The following PCDHGA11 variants were observed in gnomAD, a reference collection of about 807,000 sequenced individuals.
The protein encoded by PCDHGA11 is protocadherin gamma-A11.
In PCDHGA11, 39 loss-of-function variants were observed where a neutral mutation model predicts 60.4. The observed-to-expected ratio is 0.65, with a 90% CI of 0.50 to 0.84. The LOEUF (loss-of-function observed/expected upper bound fraction) is 0.84. PCDHGA11 is among the 40% of genes least tolerant of loss of function. PCDHGA11 has a pLI of 0.00. For missense variants in PCDHGA11, 1,165 were observed against 1,197.7 expected, an observed-to-expected ratio of 0.97 and a Z score of 0.40; for synonymous variants, 533 against 510.3, an observed-to-expected ratio of 1.04 and a Z score of -0.60.
In PCDHGA11 at chr5:141,432,611, T is replaced by G. The variant is rs141541670; in HGVS notation, c.2433+8951T>G. The G allele has an allele frequency of 4.2e-4, 676 of 1,613,808 alleles. 1 individual carries two copies. The African/African-American group carries it at 5.6e-3, about 13-fold the overall frequency. On this transcript the variant is annotated intron_variant, in intron 1 of 3. Coordinates refer to ENST00000398587, the MANE Select transcript of PCDHGA11 (RefSeq NM_018914.3). This position sits in a 1 kb window ranked among gnomAD's most constrained non-coding sequence, Gnocchi z 6.0. ...CAAGGCCAGCGAGCCGGGACTCTTC[T>G]CGGTGGGTCTGCACACGGGCGAGGT...
In PCDHGA11 at chr5:141,477,967, C is replaced by A; in HGVS notation, c.2434-16840C>A. The A allele has an allele frequency of 6.2e-7, 1 of 1,614,150 alleles. No individual in the cohort carries two copies. Among genetic ancestry groups the A allele is most frequent in the Non-Finnish European group, 8.5e-7 (1 of 1,180,032 alleles). On this transcript the variant is annotated intron_variant, in intron 1 of 3. Transcript: ENST00000398587. The surrounding 1 kb of genome is among the most constrained non-coding windows in gnomAD (Gnocchi z 4.9). ...GTCTCTTGGGATCCCCTAACCAGAG[C>A]CTTTTTGCCATAGGGCTGCACACTG...
rs367744321 is a variant in PCDHGA11, at chr5:141,489,394, C to G, written c.2434-5413C>G. The G allele has an allele frequency of 3.7e-6, 6 of 1,614,008 alleles. No individual in the cohort carries two copies. In the African/African-American group the frequency reaches 6.7e-5, roughly 18 times the overall value. On this transcript the variant is annotated intron_variant, in intron 1 of 3. Transcript: ENST00000398587. The surrounding 1 kb of genome is among the most constrained non-coding windows in gnomAD (Gnocchi z 4.5). ...GCTGGTGGGGAATGTTGCTCAGGATCTGGGCTTAAAGATGACAGATCTGTT... is the reference window on the plus strand; with the variant it reads ...GCTGGTGGGGAATGTTGCTCAGGATGTGGGCTTAAAGATGACAGATCTGTT...
chr5:141,470,791 A>G (rs1234712958), intron 1 of PCDHGA11, among the ~76,000 whole-genome samples: 3 of 152,152 alleles, frequency 2.0e-5, no homozygotes, highest in African/African-American at 7.2e-5. Context: ...GGGCTCAAGC[A>G]ATCCTCCCAC....
At chr5:141,433,204 C>A in intron 1 of PCDHGA11, 1 of 1,566,946 alleles carries the variant, frequency 6.4e-7, no homozygotes, top group Non-Finnish European at 8.6e-7. Flanking sequence ...ATCAAATCTT[C>A]TTTCTTTTTT....
At chr5:141,423,744 A>G in intron 1 of PCDHGA11, 84 bp downstream of exon 1, 1 of 429,464 alleles carries the variant, frequency 2.3e-6, no homozygotes. Context: ...TGTTATGAAA[A>G]CTGTTTGGGG....
rs570379716 is a variant in PCDHGA11 at position 141,452,090 on chromosome 5, G to A, written c.2433+28430G>A. Among the ~76,000 whole-genome samples, 3 of 152,256 alleles carry A rather than the reference G, an allele frequency of 2.0e-5. No individual in the cohort carries two copies. The South Asian group carries it at 6.2e-4, about 32-fold the overall frequency. On this transcript the variant is annotated intron_variant, in intron 1 of 3. Coordinates refer to ENST00000398587, the MANE Select transcript of PCDHGA11 (RefSeq NM_018914.3). The stretch of plus-strand genomic sequence containing the variant: ...TTTATTAGTTGGCATTATACAGTAA[G>A]AAAGAGCTTTCTTTTCTCTTCTTAT...
rs34752215 is a variant in PCDHGA11 at position 141,427,657 on chromosome 5, A to C, written c.2433+3997A>C. The C allele has an allele frequency of 1.4e-3, 1,030 of 734,210 alleles. 5 individuals carry two copies. Among genetic ancestry groups the C allele is most frequent in the Middle Eastern group, 5.7e-3 (25 of 4,398 alleles). The allele number at this position is 734,210 out of a possible 1,614,324, so 45.5% of individuals were successfully genotyped here. On this transcript the variant is annotated intron_variant, in intron 1 of 3. Coordinates refer to ENST00000398587, the MANE Select transcript of PCDHGA11 (RefSeq NM_018914.3). The stretch of plus-strand genomic sequence containing the variant: ...TTCCACCAAGTCTCCTACGTGGTCC[A>C]CGTGGCCGAAAACAACCTTCCCGGA...
chr5:141,502,028 G>A (rs561260963), intron 2 of PCDHGA11, among the ~76,000 whole-genome samples: 62 of 152,150 alleles, frequency 4.1e-4, no homozygotes, highest in African/African-American at 1.5e-3. Flanking sequence ...TGCAACCCCC[G>A]CCGCTTGCCT....
At chr5:141,444,115 AG>A (rs1206374963) in intron 1 of PCDHGA11, among the ~76,000 whole-genome samples, 3 of 147,326 alleles carry the variant, frequency 2.0e-5, no homozygotes, top group Admixed American at 2.0e-4. Context: ...AGAAAAGTGA[AG>A]TATCTCAACA....
Position 141,432,331 on chromosome 5 carries a change from G to A in PCDHGA11, c.2433+8671G>A, listed in dbSNP as rs763952193. Reference sequence around the variant, plus strand: ...CGCTGAGCTCCTTCGACTACGAGCAGTTCCGAGACTTGCAAGTGAAAGTGA... The same window carrying A: ...CGCTGAGCTCCTTCGACTACGAGCAATTCCGAGACTTGCAAGTGAAAGTGA... On this transcript the variant is annotated intron_variant, in intron 1 of 3. Transcript: ENST00000398587. The surrounding 1 kb of genome is among the most constrained non-coding windows in gnomAD (Gnocchi z 6.0). The A allele has an allele frequency of 1.2e-6, 2 of 1,614,278 alleles. No individual in the cohort carries two copies. Among genetic ancestry groups the A allele is most frequent in the East Asian group, 2.2e-5 (1 of 44,888 alleles).
intron 1 of PCDHGA11, among the ~76,000 whole-genome samples, chr5:141,454,195 T>A (rs1295815862): frequency 1.3e-5 from 2 of 152,136 alleles, no homozygotes; most frequent in Admixed American, 1.3e-4. Flanking sequence ...TTAGTGAAGG[T>A]GAATTTATTG....
intron 1 of PCDHGA11, chr5:141,423,913 C>T: frequency 7.9e-7 from 1 of 1,269,552 alleles, no homozygotes; most frequent in Non-Finnish European, 1.0e-6. Context: ...AGGGGCCATT[C>T]AACTATGCTG....
chr5:141,490,344 AGTGGGGTTGTTTAAT>A lies in PCDHGA11; in HGVS notation c.2434-4459_2434-4445del. The A allele has an allele frequency of 6.2e-7, 1 of 1,614,178 alleles. No individual in the cohort carries two copies. The highest frequency in any genetic ancestry group is 8.5e-7 in the Non-Finnish European group (1 of 1,180,030). ...TAGAGAGCACACCAGTGGGCACAGT[AGTGGGGTTGTTTAAT>A]GTGCGAGACCGGGACTCAGGTAGAA... On this transcript the variant is annotated intron_variant, in intron 1 of 3. Coordinates refer to ENST00000398587, the MANE Select transcript of PCDHGA11 (RefSeq NM_018914.3). This position sits in a 1 kb window ranked among gnomAD's most constrained non-coding sequence, Gnocchi z 5.4.
At chr5:141,500,822 T>A (rs1377955680) in intron 2 of PCDHGA11, among the ~76,000 whole-genome samples, 1 of 152,240 alleles carries the variant, frequency 6.6e-6, no homozygotes, top group African/African-American at 2.4e-5. Context: ...TACATATTAT[T>A]TTTCTAATGC....
chr5:141,439,709 A>G (rs2098127560), intron 1 of PCDHGA11: 1 of 152,540 alleles, frequency 6.6e-6, no homozygotes, highest in African/African-American at 2.4e-5. Context: ...TATGGCTCCT[A>G]GTTCTACAAA....
intron 1 of PCDHGA11, among the ~76,000 whole-genome samples, chr5:141,472,992 A>G (rs2099309983): frequency 6.6e-6 from 1 of 151,994 alleles, no homozygotes; most frequent in South Asian, 2.1e-4. Context: ...AAAAAAAAAA[A>G]AAAAAGAAAG....
Position 141,432,201 on chromosome 5 carries a change from G to T in PCDHGA11, c.2433+8541G>T, listed in dbSNP as rs761075658. On this transcript the variant is annotated intron_variant, in intron 1 of 3. Transcript: ENST00000398587. This position sits in a 1 kb window ranked among gnomAD's most constrained non-coding sequence, Gnocchi z 6.0. ...TCTGTGACCGCCCACGACCCCGACT[G>T]TGAAGAGAACGCCCAGATCACTTAT... 1.8e-5 allele frequency: 29 copies of T among 1,614,092 alleles called. No homozygotes were observed. The South Asian group carries it at 2.9e-4, about 16-fold the overall frequency.
chr5:141,491,850 T>C lies in PCDHGA11; in HGVS notation c.2434-2957T>C. ...CCCGATTCTCGGGATCATTGGACCG[T>C]TTGCGCGAAACCAGAGTGGCCGATT... On this transcript the variant is annotated intron_variant, in intron 1 of 3. Transcript: ENST00000398587. The surrounding 1 kb of genome is among the most constrained non-coding windows in gnomAD (Gnocchi z 6.9). 6.8e-7 allele frequency: 1 copy of C among 1,460,996 alleles called. No homozygotes were observed. The highest frequency in any genetic ancestry group is 2.5e-5 in the East Asian group (1 of 40,084). The allele number at this position is 1,460,996 out of a possible 1,614,324, so 90.5% of individuals were successfully genotyped here.
intron 1 of PCDHGA11, among the ~76,000 whole-genome samples, chr5:141,481,556 G>T (rs553126587): frequency 6.6e-6 from 1 of 152,148 alleles, no homozygotes; most frequent in African/African-American, 2.4e-5. Flanking sequence ...AGTGGCTCAC[G>T]CCTGTAATCC....
Sources: allele counts gnomAD v4.1 joint callset (sites outside exome capture counted in the v4.1 genomes callset), GRCh38; gene constraint gnomAD v4.1.1; non-coding constraint Gnocchi (gnomAD v3.1); transcripts MANE v1.5; gene names NCBI Gene and HGNC (gene_info 2026-07-23, HGNC 2026-07-21).